NOS1AP: variants seen among roughly 807,000 people sequenced by gnomAD.
NOS1AP encodes the protein carboxyl-terminal PDZ ligand of neuronal nitric oxide synthase protein.
In NOS1AP, 21 loss-of-function variants were observed where a neutral mutation model predicts 56.2. That is an observed-to-expected ratio of 0.37 (90% CI 0.26 to 0.54). NOS1AP has a LOEUF of 0.54. Among genes scored for constraint, NOS1AP ranks in the 20% least tolerant of loss-of-function variants. NOS1AP has a pLI of 0.84. For missense variants in NOS1AP, 522 were observed against 657.8 expected (o/e 0.79, Z 2.26); for synonymous variants, 270 against 274.6 (o/e 0.98, Z 0.17).
chr1:162,329,256 G>T (rs1284979361), intron 4 of NOS1AP, among the ~76,000 whole-genome samples: 1 of 152,014 alleles, frequency 6.6e-6, no homozygotes, highest in Non-Finnish European at 1.5e-5. Flanking sequence ...GGCCAGCTGT[G>T]GTGGCTTACA....
intron 2 of NOS1AP, among the ~76,000 whole-genome samples, chr1:162,199,595 C>CGTGT (rs58625856): frequency 0.05 from 6,576 of 131,630 alleles, 278 homozygotes; most frequent in East Asian, 0.19. Context: ...GCATGGATTG[C>CGTGT]GTGTGTGTGT....
intron 6 of NOS1AP, among the ~76,000 whole-genome samples, chr1:162,344,665 T>C (rs1441328206): frequency 6.6e-6 from 1 of 150,566 alleles, no homozygotes; most frequent in Non-Finnish European, 1.5e-5. Context: ...GAGCCAAGAT[T>C]GTGCCACCGC....
chr1:162,188,581 C>T lies in NOS1AP; in HGVS notation c.177+34105C>T. 6.6e-6 allele frequency among the ~76,000 whole-genome samples: 1 copy of T among 152,148 alleles called. No individual in the cohort carries two copies. The highest frequency in any genetic ancestry group is 1.9e-4 in the East Asian group (1 of 5,186). On this transcript the variant is annotated intron_variant, in intron 2 of 9. Coordinates refer to ENST00000361897, the MANE Select transcript of NOS1AP (RefSeq NM_014697.3). The surrounding 1 kb of genome is among the most constrained non-coding windows in gnomAD (Gnocchi z 4.0). The stretch of plus-strand genomic sequence containing the variant: ...TGCCTAAATTTTTTCAACATTAGCA[C>T]AAGAGGGCAATCTGGCTGGCTTCTG...
At chr1:162,287,274 T>C in intron 2 of NOS1AP, 70 bp from the exon 3 acceptor site, 4 of 1,128,080 alleles carry the variant, frequency 3.5e-6, no homozygotes, top group South Asian at 2.5e-5. Flanking sequence ...AGGCATGGGC[T>C]AGCTGGGTCT....
At chr1:162,295,889 C>A (rs1192924419) in intron 3 of NOS1AP, among the ~76,000 whole-genome samples, 1 of 152,128 alleles carries the variant, frequency 6.6e-6, no homozygotes, top group Non-Finnish European at 1.5e-5. Context: ...TGACTACACT[C>A]CTCAGGGTAT....
chr1:162,104,338 C>A (rs1298714141), intron 1 of NOS1AP, among the ~76,000 whole-genome samples: 1 of 152,146 alleles, frequency 6.6e-6, no homozygotes, highest in Non-Finnish European at 1.5e-5. Context: ...CTGCCCTTAA[C>A]ATTTTTTCCT....
chr1:162,369,423 A>C lies in NOS1AP; in HGVS notation c.*1956A>C, dbSNP rs1430024517. 6.6e-6 allele frequency: 1 copy of C among 151,304 alleles called. No individual in the cohort carries two copies. The allele number at this position is 151,304 out of a possible 1,614,324, so 9.4% of individuals were successfully genotyped here. On this transcript the variant is annotated 3_prime_UTR_variant, in exon 10 of 10. Coordinates refer to ENST00000361897, the MANE Select transcript of NOS1AP (RefSeq NM_014697.3). ...GGGTTCCCTGAGTCCAAGACCACTT[A>C]GATTATTAAGATTTTGAACGTCCAG...
rs189195270 is a variant in NOS1AP, at chr1:162,211,600, T to C, written c.177+57124T>C. ...TTTTTTCAACTTCAGAAGCAATAAC[T>C]CACCTCCTAGGGCATTAAAAACCCA... On this transcript the variant is annotated intron_variant, in intron 2 of 9. Transcript: ENST00000361897. 1.6e-4 allele frequency among the ~76,000 whole-genome samples: 25 copies of C among 152,294 alleles called. 1 individual carries two copies. Among genetic ancestry groups the C allele is most frequent in the African/African-American group, 6.0e-4 (25 of 41,556 alleles).
rs550376587 is a variant in NOS1AP, at chr1:162,345,823, A to G, written c.595+1847A>G. 3.3e-5 allele frequency among the ~76,000 whole-genome samples: 5 copies of G among 152,338 alleles called. No homozygotes were observed. The South Asian group carries it at 1.0e-3, about 32-fold the overall frequency. ...TATTGTCGTAATTAGATAAACTGATACTTTTAAAATGCTGAGCCTGGTGCT... is the reference window on the plus strand; with the variant it reads ...TATTGTCGTAATTAGATAAACTGATGCTTTTAAAATGCTGAGCCTGGTGCT... On this transcript the variant is annotated intron_variant, in intron 6 of 9. Coordinates refer to ENST00000361897, the MANE Select transcript of NOS1AP (RefSeq NM_014697.3).
At chr1:162,338,986 G>T (rs549264524) in intron 5 of NOS1AP, among the ~76,000 whole-genome samples, 37 of 152,196 alleles carry the variant, frequency 2.4e-4, no homozygotes, top group Non-Finnish European at 4.4e-4. Context: ...CTTAACTTTG[G>T]TTCTGGCTTG....
intron 1 of NOS1AP, among the ~76,000 whole-genome samples, chr1:162,138,379 A>T (rs1649092822): frequency 6.6e-6 from 1 of 152,100 alleles, no homozygotes; most frequent in Non-Finnish European, 1.5e-5. Flanking sequence ...CTTTGTGGAG[A>T]TGGGTGGGAG....
intron 4 of NOS1AP, among the ~76,000 whole-genome samples, chr1:162,331,746 C>T (rs1480909843): frequency 6.6e-6 from 1 of 152,218 alleles, no homozygotes; most frequent in Non-Finnish European, 1.5e-5. Context: ...GAGCAATACA[C>T]TCCTTGGACT....
chr1:162,165,879 G>A (rs1343855635), intron 2 of NOS1AP, among the ~76,000 whole-genome samples: 1 of 152,158 alleles, frequency 6.6e-6, no homozygotes, highest in Non-Finnish European at 1.5e-5. Context: ...ATATCCCAAA[G>A]GCACCTTAAA....
intron 3 of NOS1AP, among the ~76,000 whole-genome samples, chr1:162,294,036 G>A (rs1655356758): frequency 6.6e-6 from 1 of 152,144 alleles, no homozygotes; most frequent in African/African-American, 2.4e-5. Context: ...GGTCCTGTGA[G>A]AAGCAGATGC....
intron 2 of NOS1AP, among the ~76,000 whole-genome samples, chr1:162,246,607 A>G (rs1653673961): frequency 6.6e-6 from 1 of 152,312 alleles, no homozygotes; most frequent in Non-Finnish European, 1.5e-5. Context: ...GTAGTATAAT[A>G]TATTAGAAAT....
At chr1:162,247,137 G>A (rs1302852967) in intron 2 of NOS1AP, among the ~76,000 whole-genome samples, 1 of 152,124 alleles carries the variant, frequency 6.6e-6, no homozygotes, top group Non-Finnish European at 1.5e-5. Context: ...AGAACTCTTA[G>A]CATGTTTTTT....
At chr1:162,318,990 G>A (rs1378375199) in intron 4 of NOS1AP, among the ~76,000 whole-genome samples, 1 of 152,056 alleles carries the variant, frequency 6.6e-6, no homozygotes, top group East Asian at 1.9e-4. Flanking sequence ...CTCTCCCCAT[G>A]GTGGCTGCCC....
At chr1:162,345,150 TTTC>T (rs1291488977) in intron 6 of NOS1AP, among the ~76,000 whole-genome samples, 1 of 126,916 alleles carries the variant, frequency 7.9e-6, no homozygotes, top group Admixed American at 8.4e-5. Flanking sequence ...ACAGATTTCT[TTTC>T]TTTTTTTCTT....
chr1:162,213,277 C>A (rs1439534319), intron 2 of NOS1AP, among the ~76,000 whole-genome samples: 1 of 152,222 alleles, frequency 6.6e-6, no homozygotes, highest in Admixed American at 6.5e-5. Flanking sequence ...TGATAACCAA[C>A]TGTATTTCCT....
Sources: gnomAD v4.1 joint callset for allele counts (sites outside exome capture counted in the v4.1 genomes callset) on GRCh38, gnomAD v4.1.1 for gene constraint, Gnocchi (gnomAD v3.1) non-coding constraint, MANE v1.5 for transcripts, NCBI Gene and HGNC (gene_info 2026-07-23, HGNC 2026-07-21) for gene names.